The following STAU2 variants were observed in gnomAD, a reference collection of about 807,000 sequenced individuals.
The protein encoded by STAU2 is double-stranded RNA-binding protein Staufen homolog 2.
In STAU2, 20 loss-of-function variants were observed where a neutral mutation model predicts 65.9. The ratio of observed to expected loss-of-function variants is 0.30; its 90% confidence interval spans 0.21 to 0.44. The LOEUF (loss-of-function observed/expected upper bound fraction) is 0.44. Ranked by LOEUF, STAU2 falls within the 20% of genes least tolerant of loss-of-function variation. STAU2 has a pLI of 1.00. For missense variants in STAU2, 558 were observed against 683.9 expected (o/e 0.82, Z 2.05); for synonymous variants, 232 against 233.9 (o/e 0.99, Z 0.07).
chr8:73,654,683 C>CTT (rs764223379), intron 6 of STAU2, among the ~76,000 whole-genome samples: 2,666 of 62,930 alleles, frequency 0.042, 228 homozygotes, highest in South Asian at 0.056. Flanking sequence ...ATTATCAAAC[C>CTT]TTTTTTTTTT....
intron 11 of STAU2, among the ~76,000 whole-genome samples, chr8:73,589,900 G>A (rs1266338285): frequency 6.6e-6 from 1 of 151,948 alleles, no homozygotes; most frequent in Non-Finnish European, 1.5e-5. Flanking sequence ...GGATGAGGAT[G>A]AGGAAGGAAG....
intron 6 of STAU2, among the ~76,000 whole-genome samples, chr8:73,633,941 G>C (rs930771019): frequency 7.9e-5 from 12 of 151,972 alleles, no homozygotes; most frequent in African/African-American, 2.7e-4. Flanking sequence ...TCATGCCACG[G>C]AACTCCAGCC....
intron 13 of STAU2, among the ~76,000 whole-genome samples, chr8:73,514,576 T>C (rs1822601726): frequency 6.6e-6 from 1 of 152,356 alleles, no homozygotes; most frequent in African/African-American, 2.4e-5. Flanking sequence ...CTATGTGGAA[T>C]GTCCTTATAA....
intron 13 of STAU2, among the ~76,000 whole-genome samples, chr8:73,469,099 C>T (rs1479702235): frequency 2.0e-5 from 3 of 152,070 alleles, no homozygotes; most frequent in African/African-American, 7.2e-5. Flanking sequence ...ATGTGGCACA[C>T]ATACACCATG....
chr8:73,576,931 C>T (rs995459798), intron 12 of STAU2, among the ~76,000 whole-genome samples: 7 of 152,092 alleles, frequency 4.6e-5, no homozygotes, highest in Non-Finnish European at 1.0e-4. Context: ...CAGTCTGCTC[C>T]TAATTTTGAA....
chr8:73,435,822 C>T (rs1358815598), intron 13 of STAU2, among the ~76,000 whole-genome samples: 1 of 151,858 alleles, frequency 6.6e-6, no homozygotes, highest in African/African-American at 2.4e-5. Flanking sequence ...GGGAGGACTC[C>T]ACAATTGGGG....
chr8:73,627,285 A>C (rs1418483743), intron 6 of STAU2, among the ~76,000 whole-genome samples: 1 of 147,572 alleles, frequency 6.8e-6, no homozygotes, highest in African/African-American at 2.5e-5. Flanking sequence ...CACATAGAAA[A>C]CACTGGAGTC....
chr8:73,611,118 C>G (rs1486223834), intron 9 of STAU2, among the ~76,000 whole-genome samples: 2 of 152,092 alleles, frequency 1.3e-5, no homozygotes, highest in African/African-American at 4.8e-5. Context: ...ACTATAGACC[C>G]TCAATGTATA....
At chr8:73,618,424 C>T (rs1177526601) in intron 6 of STAU2, among the ~76,000 whole-genome samples, 3 of 152,112 alleles carry the variant, frequency 2.0e-5, no homozygotes, top group Non-Finnish European at 4.4e-5. Context: ...GAGAGTATAC[C>T]AGCAGCAAGG....
chr8:73,730,997 G>C (rs1236905659), intron 3 of STAU2, among the ~76,000 whole-genome samples: 1 of 152,122 alleles, frequency 6.6e-6, no homozygotes, highest in Non-Finnish European at 1.5e-5. Context: ...AAGTTACTTG[G>C]AATCATTTGG....
chr8:73,703,855 G>A (rs1820296336), intron 4 of STAU2, among the ~76,000 whole-genome samples: 1 of 152,138 alleles, frequency 6.6e-6, no homozygotes, highest in South Asian at 2.1e-4. Context: ...GTAGGACACT[G>A]GAAATGTTTG....
intron 10 of STAU2, among the ~76,000 whole-genome samples, chr8:73,598,048 C>A (rs927951598): frequency 6.6e-6 from 1 of 151,934 alleles, no homozygotes; most frequent in African/African-American, 2.4e-5. Flanking sequence ...CACTCATGAA[C>A]ATAGATGCAA....
rs116716738 is a variant in STAU2 at position 73,528,726 on chromosome 8, T to C, written c.1530+23286A>G. Among the ~76,000 whole-genome samples the C allele has an allele frequency of 3.6e-3, 544 of 152,306 alleles. 4 individuals carry two copies. Among genetic ancestry groups the C allele is most frequent in the African/African-American group, 0.011 (445 of 41,582 alleles). ...TTTAGGATAAAGGCTTAAGTGAAAA[T>C]TTTGAATTTGTGAGGAAGAAAATTA... On this transcript the variant is annotated intron_variant, in intron 13 of 14. Transcript: ENST00000524300.
intron 11 of STAU2, among the ~76,000 whole-genome samples, chr8:73,584,273 G>C (rs1810209006): frequency 6.6e-6 from 1 of 152,102 alleles, no homozygotes; most frequent in Non-Finnish European, 1.5e-5. Flanking sequence ...ACCATCCTGA[G>C]AGATTGCTGC....
intron 13 of STAU2, among the ~76,000 whole-genome samples, chr8:73,445,676 T>C (rs1312514406): frequency 6.6e-6 from 1 of 151,942 alleles, no homozygotes; most frequent in East Asian, 1.9e-4. Context: ...AAACAAACAA[T>C]CCAATTAGAG....
intron 13 of STAU2, among the ~76,000 whole-genome samples, chr8:73,502,513 G>C (rs992226961): frequency 1.3e-5 from 2 of 152,052 alleles, no homozygotes. Context: ...CAAAAGGTCT[G>C]TCAAATAAAT....
intron 11 of STAU2, among the ~76,000 whole-genome samples, chr8:73,585,252 G>A (rs971020507): frequency 1.3e-5 from 2 of 152,220 alleles, no homozygotes; most frequent in South Asian, 2.1e-4. Context: ...AGGCCGAGGC[G>A]AGCGGCTCAC....
In STAU2 at chr8:73,603,846, G is replaced by A. The variant is rs755235607; in HGVS notation, c.909C>T (p.Gly303=). 1.9e-6 allele frequency: 3 copies of A among 1,603,152 alleles called. No homozygotes were observed. The South Asian group carries it at 3.4e-5, about 18-fold the overall frequency. ...GGCGGCTAATAGGGTTCATCCCTTGGCCATATTCTGGTCCGGCCTAAAAAT... is the reference window on the plus strand; with the variant it reads ...GGCGGCTAATAGGGTTCATCCCTTGACCATATTCTGGTCCGGCCTAAAAAT... ...KTIVKAGPEY[G]QGMNPISRLA... is the part of the protein sequence containing the mutation. The change falls in exon 10 of 15, where the codon GGC becomes GGT. Residue 303 remains glycine (G), a synonymous_variant. Transcript: ENST00000524300.
At chr8:73,631,825 A>T (rs987851685) in intron 6 of STAU2, among the ~76,000 whole-genome samples, 1 of 152,220 alleles carries the variant, frequency 6.6e-6, no homozygotes, top group East Asian at 1.9e-4. Flanking sequence ...AAACTGAGAA[A>T]AGCAGTAAGC....
Sources: gnomAD v4.1 joint callset for allele counts (sites outside exome capture counted in the v4.1 genomes callset) on GRCh38, gnomAD v4.1.1 for gene constraint, MANE v1.5 for transcripts, NCBI Gene and HGNC (gene_info 2026-07-23, HGNC 2026-07-21) for gene names.